Variants in ARHGAP45 observed in about 807,000 individuals in gnomAD.
The protein encoded by ARHGAP45 is rho GTPase-activating protein 45.
A neutral mutation model predicts 116.1 loss-of-function variants in ARHGAP45; 56 were observed. The ratio of observed to expected loss-of-function variants is 0.48; its 90% CI spans 0.39 to 0.60. The LOEUF (loss-of-function observed/expected upper bound fraction) is 0.60, where lower values mean the gene tolerates loss of function less well. Ranked by LOEUF, ARHGAP45 falls within the 20% of genes least tolerant of loss-of-function variation. ARHGAP45 has a pLI of 0.00. For synonymous variants in ARHGAP45, 866 were observed against 701.7 expected (o/e 1.23, Z -3.70); for missense variants, 1,622 against 1,601.0 (o/e 1.01, Z -0.22).
intron 2 of ARHGAP45, 34 bp from the exon 3 acceptor site, chr19:1,073,115 C>G (rs2043170132): frequency 1.9e-6 from 3 of 1,587,134 alleles, no homozygotes; most frequent in African/African-American, 2.7e-5. Flanking sequence ...GGACTGGGCC[C>G]TACCCCACTG....
At chr19:1,066,104 G>A (rs2043025498), upstream of ARHGAP45, 9 of 1,535,692 alleles carry the variant, frequency 5.9e-6, no homozygotes, top group East Asian at 2.2e-4. Context: ...AGCCAGACTT[G>A]GAGCAAGGGG....
At position 1,075,028 on chromosome 19, in the gene ARHGAP45, C is replaced by CT. The variant is rs887874397; in HGVS notation, c.1185+149_1185+150insT. 94 of 407,702 alleles carry CT rather than the reference C, an allele frequency of 2.3e-4. 2 individuals carry two copies. Among genetic ancestry groups the CT allele is most frequent in the South Asian group, 1.8e-3 (14 of 7,750 alleles). The allele number at this position is 407,702 out of a possible 1,614,324, so 25.3% of individuals were successfully genotyped here. A position where few individuals can be genotyped will look rare whatever the true frequency, so the allele number is the denominator to read the frequency against. Reference sequence around the variant, plus strand: ...ATGCGCGGCCTCGCAGGCTGGGCCGCCCCCCCCAACGCCAAGCCGGGTCGG... The same window carrying CT: ...ATGCGCGGCCTCGCAGGCTGGGCCGCTCCCCCCCAACGCCAAGCCGGGTCGG... On this transcript the variant is annotated intron_variant, in intron 10 of 22. Transcript: ENST00000313093.
In ARHGAP45 at chr19:1,080,351, T is replaced by C. The variant is rs1490632990; in HGVS notation, c.1800T>C (p.Thr600=). ...GCCCCCCAGAAGAAGGCGGGTGCACTGAGGGCACACCTGCCAAGGACCACA... is the reference window on the plus strand; with the variant it reads ...GCCCCCCAGAAGAAGGCGGGTGCACCGAGGGCACACCTGCCAAGGACCACA... ...AGSPPEEGGC[T]EGTPAKDHRA... Residue 600 remains threonine, a synonymous_variant, in exon 14 of 23, where the codon ACT becomes ACC. Transcript: ENST00000313093. The C allele has an allele frequency of 1.6e-5, 26 of 1,607,682 alleles. No homozygotes were observed. Among genetic ancestry groups the C allele is most frequent in the Non-Finnish European group, 2.1e-5 (25 of 1,178,854 alleles).
chr19:1,084,245 C>A lies in ARHGAP45; in HGVS notation c.2963C>A (p.Ser988Ter). 6.2e-7 allele frequency: 1 copy of A among 1,613,588 alleles called. No homozygotes were observed. Among genetic ancestry groups the A allele is most frequent in the South Asian group, 1.1e-5 (1 of 91,060 alleles). Residue 988 changes from serine (S) to a stop codon, truncating the protein, a stop_gained, in exon 22 of 23, where the codon TCA (serine) becomes TAA (stop). Coordinates refer to ENST00000313093, the MANE Select transcript of ARHGAP45 (RefSeq NM_012292.5). LOFTEE classifies it high-confidence loss of function. ...PEETPGGQDESSNQRAEVVVQ... is the reference protein window; with the variant it reads ...PEETPGGQDE ...TCCGTTCTGCACTTGCAGGACGAGT[C>A]ATCCAACCAGCGAGCTGAGGTAGTC...
chr19:1,081,468 C>G (rs910065156), intron 17 of ARHGAP45, 82 bp from the exon 18 acceptor site: 3 of 1,347,134 alleles, frequency 2.2e-6, no homozygotes, highest in African/African-American at 1.5e-5. Context: ...GTGAGCGCCC[C>G]GGGGAGGTGG....
chr19:1,073,247 G>T lies in ARHGAP45; in HGVS notation c.520G>T (p.Val174Leu). Reference protein sequence around the residue: ...IISKYPLLNTVETLTAAGTLI... With the variant: ...IISKYPLLNTLETLTAAGTLI... ...CTCCAAGTACCCGCTGCTGAACACC[G>T]TGGAGACGCTCACCGCAGCCGGCAC... Residue 174 changes from valine to leucine, a missense_variant, in exon 3 of 23, where the codon GTG becomes TTG. Coordinates refer to ENST00000313093, the MANE Select transcript of ARHGAP45 (RefSeq NM_012292.5). The T allele has an allele frequency of 6.2e-7, 1 of 1,613,664 alleles. No individual in the cohort carries two copies.
Position 1,068,888 on chromosome 19 carries a change from G to A in ARHGAP45, c.421+144G>A, listed in dbSNP as rs962375839. ...GTGTGGAAGAGGCCATGACAGCTAA[G>A]GCTCTGAGGGATGTGTAGGAGTTTG... On this transcript the variant is annotated intron_variant, in intron 2 of 22. Transcript: ENST00000313093. This position sits in a 1 kb window ranked among gnomAD's most constrained non-coding sequence, Gnocchi z 7.5. 2.1e-5 allele frequency: 16 copies of A among 767,980 alleles called. No homozygotes were observed. The African/African-American group carries it at 2.8e-4, about 14-fold the overall frequency. The allele number at this position is 767,980 out of a possible 1,614,324, so 47.6% of individuals were successfully genotyped here.
In ARHGAP45 at chr19:1,071,152, C is replaced by T. The variant is rs950396650; in HGVS notation, c.422-1997C>T. 4 of 1,294,264 alleles carry T rather than the reference C, an allele frequency of 3.1e-6. No homozygotes were observed. The highest frequency in any genetic ancestry group is 3.9e-6 in the Non-Finnish European group (4 of 1,017,450). 80.2% of individuals were successfully genotyped at this position (1,294,264 alleles called of 1,614,324 possible). A position where few individuals can be genotyped will look rare whatever the true frequency, so the allele number is the denominator to read the frequency against. ...AAGGAAGGACCCAGGCTGGGGCGAA[C>T]GGGACCCCAGGGCGGGGTTTCCCTC... On this transcript the variant is annotated intron_variant, in intron 2 of 22. Transcript: ENST00000313093. This position sits in a 1 kb window ranked among gnomAD's most constrained non-coding sequence, Gnocchi z 4.6.
Position 1,067,247 on chromosome 19 carries a change from G to GT in ARHGAP45, c.-159_-158insT, listed in dbSNP as rs529103165. The GT allele has an allele frequency of 1.2e-4, 156 of 1,265,492 alleles. No homozygotes were observed. In the African/African-American group the frequency reaches 1.3e-3, roughly 11 times the overall value. 78.4% of individuals were successfully genotyped at this position (1,265,492 alleles called of 1,614,324 possible). ...CGCCTCCCCGAAGCCTTTTCCTGTTGGGGGGAGGGCCCGCCAGTGACGGCC... is the reference window on the plus strand; with the variant it reads ...CGCCTCCCCGAAGCCTTTTCCTGTTGTGGGGGAGGGCCCGCCAGTGACGGCC... On this transcript the variant is annotated 5_prime_UTR_variant, in exon 1 of 23. Coordinates refer to ENST00000313093, the MANE Select transcript of ARHGAP45 (RefSeq NM_012292.5).
upstream of ARHGAP45, chr19:1,066,303 A>G: frequency 1.3e-6 from 1 of 793,144 alleles, no homozygotes; most frequent in Non-Finnish European, 2.0e-6. Flanking sequence ...GGAAGGTAGG[A>G]GGCTGGGATC....
At position 1,073,261 on chromosome 19, in the gene ARHGAP45, C is replaced by T. The variant is rs144488530; in HGVS notation, c.534C>T (p.Thr178=). ...YPLLNTVETL[T]AAGTLIAKVK... ...TGCTGAACACCGTGGAGACGCTCACCGCAGCCGGCACCCTCATTGCCAAGG... is the reference window on the plus strand; with the variant it reads ...TGCTGAACACCGTGGAGACGCTCACTGCAGCCGGCACCCTCATTGCCAAGG... The change falls in exon 3 of 23, where the codon ACC becomes ACT. Residue 178 remains threonine (T), a synonymous_variant. Coordinates refer to ENST00000313093, the MANE Select transcript of ARHGAP45 (RefSeq NM_012292.5). The T allele has an allele frequency of 9.4e-5, 152 of 1,613,674 alleles. No homozygotes were observed. The African/African-American group carries it at 1.7e-3, about 18-fold the overall frequency.
Position 1,077,891 on chromosome 19 carries a change from A to G in ARHGAP45, c.1220A>G (p.Gln407Arg). The change falls in exon 11 of 23, where the codon CAG becomes CGG. Residue 407 changes from glutamine (Q) to arginine (R), a missense_variant. By Grantham distance (43) the Gln-to-Arg change is conservative. Around this residue, in one of 3 missense-constraint regions of ARHGAP45, gnomAD observed 1,334 missense variants for 1,263.8 expected, o/e 1.06. Coordinates refer to ENST00000313093, the MANE Select transcript of ARHGAP45 (RefSeq NM_012292.5). Reference protein sequence around the residue: ...EAESNLRKAKQGYVQRCEDHD... With the variant: ...EAESNLRKAKRGYVQRCEDHD... The stretch of plus-strand genomic sequence containing the variant: ...GAGTCCAACCTGCGCAAGGCCAAGC[A>G]GGGTTACGTGCAGCGCTGCGAGGAC... 2 of 1,554,606 alleles carry G rather than the reference A, an allele frequency of 1.3e-6. No individual in the cohort carries two copies. The highest frequency in any genetic ancestry group is 1.7e-6 in the Non-Finnish European group (2 of 1,148,798).
Position 1,071,205 on chromosome 19 carries a change from G to A in ARHGAP45, c.422-1944G>A. On this transcript the variant is annotated intron_variant, in intron 2 of 22. Coordinates refer to ENST00000313093, the MANE Select transcript of ARHGAP45 (RefSeq NM_012292.5). This position sits in a 1 kb window ranked among gnomAD's most constrained non-coding sequence, Gnocchi z 4.6. ...GGGGGCGGGGCCTCCTGACCGGCCG[G>A]AGCCGGTTTGGCCACCGGAGACCCC... is the stretch of plus-strand genomic sequence containing the variant. The A allele has an allele frequency of 7.1e-7, 1 of 1,412,902 alleles. No homozygotes were observed. Among genetic ancestry groups the A allele is most frequent in the Non-Finnish European group, 9.2e-7 (1 of 1,085,824 alleles). The allele number at this position is 1,412,902 out of a possible 1,614,324, so 87.5% of individuals were successfully genotyped here. A position where few individuals can be genotyped will look rare whatever the true frequency, so the allele number is the denominator to read the frequency against.
chr19:1,077,217 C>T (rs898600823), intron 10 of ARHGAP45: 29 of 985,196 alleles, frequency 2.9e-5, no homozygotes, highest in African/African-American at 5.2e-5. Flanking sequence ...CAAAAGAGCC[C>T]GGAGACGCTC....
rs1568483093 is a variant in ARHGAP45, at chr19:1,083,129, T to C, written c.2745-14T>C. 1 of 1,598,720 alleles carries C rather than the reference T, an allele frequency of 6.3e-7. No homozygotes were observed. The highest frequency in any genetic ancestry group is 8.5e-7 in the Non-Finnish European group (1 of 1,175,508). On this transcript the variant is annotated splice_polypyrimidine_tract_variant and intron_variant, in intron 20 of 22. Transcript: ENST00000313093. ...CGGGAGCCGCTCAGCACCTGGCCCC[T>C]GCCCACCCCGCAGGATCGTGGAGGT...
chr19:1,083,331 C>G lies in ARHGAP45; in HGVS notation c.2933C>G (p.Pro978Arg), dbSNP rs140579661. 6.4e-7 allele frequency: 1 copy of G among 1,555,578 alleles called. No homozygotes were observed. The change falls in exon 21 of 23, where the codon CCG becomes CGG. Residue 978 changes from proline (P) to arginine (R), a missense_variant. By Grantham distance (103) the Pro-to-Arg change is moderately radical. Transcript: ENST00000313093. Reference sequence around the variant, plus strand: ...TACGGCCTGGTCTTCGAGGAGGAGCCGGAGGAGACCCCCGGGGGCCAGGTG... The same window carrying G: ...TACGGCCTGGTCTTCGAGGAGGAGCGGGAGGAGACCCCCGGGGGCCAGGTG... ...VHYGLVFEEE[P>R]EETPGGQDES...
intron 1 of ARHGAP45, chr19:1,067,723 T>A: frequency 1.5e-6 from 1 of 689,622 alleles, no homozygotes; most frequent in Non-Finnish European, 2.6e-6. Flanking sequence ...CATCCAGGGC[T>A]GGCCGCGGGG....
At position 1,086,321 on chromosome 19, in the gene ARHGAP45, T is replaced by G; in HGVS notation, c.*315T>G. On this transcript the variant is annotated 3_prime_UTR_variant, in exon 23 of 23. Transcript: ENST00000313093. ...CTGTGTGGATGGAGGAAGCTGTCCC[T>G]GCCCAGTGCATCCCCCAGGTCATCA... 3.3e-6 allele frequency: 1 copy of G among 299,342 alleles called. No individual in the cohort carries two copies. The highest frequency in any genetic ancestry group is 6.4e-6 in the Non-Finnish European group (1 of 157,050). 18.5% of individuals were successfully genotyped at this position (299,342 alleles called of 1,614,324 possible). A position where few individuals can be genotyped will look rare whatever the true frequency, so the allele number is the denominator to read the frequency against.
Position 1,081,723 on chromosome 19 carries a change from G to T in ARHGAP45, c.2364G>T (p.Arg788=), listed in dbSNP as rs1162136182. The T allele has an allele frequency of 1.9e-6, 3 of 1,571,292 alleles. No individual in the cohort carries two copies. Among genetic ancestry groups the T allele is most frequent in the Middle Eastern group, 1.7e-4 (1 of 5,854 alleles). The change falls in exon 18 of 23, where the codon CGG becomes CGT. Residue 788 remains arginine (R), a synonymous_variant. Coordinates refer to ENST00000313093, the MANE Select transcript of ARHGAP45 (RefSeq NM_012292.5). The part of the protein sequence containing the change: ...VKKCVCEIER[R]ALRTKGIYRV... ...AGTGCGTCTGCGAGATCGAGCGGCG[G>T]GCGCTGCGCACCAAGGTGAGGCGGG...
Sources: allele counts gnomAD v4.1 joint callset, GRCh38; gene constraint gnomAD v4.1.1; regional missense constraint gnomAD v4.1.1; non-coding constraint Gnocchi (gnomAD v3.1); transcripts MANE v1.5; gene names NCBI Gene and HGNC (gene_info 2026-07-23, HGNC 2026-07-21).